The following SRPK2 variants were observed in gnomAD, a reference collection of about 807,000 sequenced individuals.
The protein encoded by SRPK2 is SRSF protein kinase 2, also known as SFRS protein kinase 2.
In SRPK2, 21 loss-of-function variants were observed where a neutral mutation model predicts 90.8. That is an observed-to-expected ratio of 0.23 (90% confidence interval 0.16 to 0.33). The LOEUF (loss-of-function observed/expected upper bound fraction) is 0.33. SRPK2 is among the 10% of genes least tolerant of loss of function. SRPK2 has a pLI of 1.00. For missense variants in SRPK2, 620 were observed against 869.0 expected (o/e 0.71, Z 3.60); for synonymous variants, 288 against 311.1 (o/e 0.93, Z 0.78).
intron 2 of SRPK2, among the ~76,000 whole-genome samples, chr7:105,245,893 T>C (rs1055132705): frequency 6.6e-6 from 1 of 151,990 alleles, no homozygotes; most frequent in East Asian, 1.9e-4. Flanking sequence ...TGGAGACACT[T>C]TTAAAAATTA....
At chr7:105,254,239 A>T (rs1350457703) in intron 2 of SRPK2, among the ~76,000 whole-genome samples, 1 of 152,220 alleles carries the variant, frequency 6.6e-6, no homozygotes, top group African/African-American at 2.4e-5. Context: ...GTAAAGACCT[A>T]AAGAACAGAG....
chr7:105,368,407 TA>T (rs1315487460), intron 2 of SRPK2, among the ~76,000 whole-genome samples: 2 of 152,152 alleles, frequency 1.3e-5, no homozygotes, highest in East Asian at 3.9e-4. Context: ...AGGAAGGAGT[TA>T]AAAGTAAGGT....
At chr7:105,349,227 G>A (rs562529265) in intron 2 of SRPK2, among the ~76,000 whole-genome samples, 19 of 149,784 alleles carry the variant, frequency 1.3e-4, no homozygotes, top group Non-Finnish European at 4.5e-5. Context: ...AAGAACCTAC[G>A]AAAGAATTAA....
At chr7:105,119,655 G>A (rs527905056) in intron 15 of SRPK2, among the ~76,000 whole-genome samples, 1 of 152,094 alleles carries the variant, frequency 6.6e-6, no homozygotes, top group East Asian at 1.9e-4. Flanking sequence ...TATTAGAGGC[G>A]GGAAAGGATC....
At chr7:105,216,210 T>C (rs1797440640) in intron 2 of SRPK2, among the ~76,000 whole-genome samples, 1 of 152,024 alleles carries the variant, frequency 6.6e-6, no homozygotes. Context: ...TATGCAAAAA[T>C]AATGAAACAC....
chr7:105,254,460 GACTC>G (rs1802939878), intron 2 of SRPK2, among the ~76,000 whole-genome samples: 1 of 152,146 alleles, frequency 6.6e-6, no homozygotes. Flanking sequence ...CCATTTCTAA[GACTC>G]AATCAATAAA....
chr7:105,371,656 G>A (rs912210258), intron 2 of SRPK2, among the ~76,000 whole-genome samples: 4 of 151,426 alleles, frequency 2.6e-5, no homozygotes, highest in Admixed American at 2.6e-4. Context: ...GCTACTTGGG[G>A]GCCTGAGGTG....
At chr7:105,349,391 G>A (rs960236887) in intron 2 of SRPK2, among the ~76,000 whole-genome samples, 6 of 151,288 alleles carry the variant, frequency 4.0e-5, no homozygotes, top group South Asian at 2.1e-4. Context: ...GCATGGTGGC[G>A]CATGCCTGTA....
At chr7:105,367,261 CTTTGT>C (rs1393592534) in intron 2 of SRPK2, among the ~76,000 whole-genome samples, 2 of 151,122 alleles carry the variant, frequency 1.3e-5, no homozygotes, top group Non-Finnish European at 3.0e-5. Context: ...CATCACAGGG[CTTTGT>C]TTTGTTTTGT....
chr7:105,269,248 C>G lies in SRPK2; in HGVS notation c.72-65463G>C, dbSNP rs142420776. ...ATAATTTGAGAAGCCTGGGTAATCACGTCACAGGCTGTAATAAACAGATAT... is the reference window on the plus strand; with the variant it reads ...ATAATTTGAGAAGCCTGGGTAATCAGGTCACAGGCTGTAATAAACAGATAT... On this transcript the variant is annotated intron_variant, in intron 2 of 15. Transcript: ENST00000393651. Among the ~76,000 whole-genome samples the G allele has an allele frequency of 3.6e-4, 54 of 152,100 alleles. 2 individuals are homozygous for G. In the East Asian group the frequency reaches 5.4e-3, roughly 15 times the overall value.
chr7:105,379,050 A>G, intron 2 of SRPK2, among the ~76,000 whole-genome samples: 1 of 151,980 alleles, frequency 6.6e-6, no homozygotes. Context: ...CCAGCTACTC[A>G]GCAGCCTGAG....
chr7:105,367,395 T>TG (rs1819198804), intron 2 of SRPK2, among the ~76,000 whole-genome samples: 1 of 152,144 alleles, frequency 6.6e-6, no homozygotes, highest in African/African-American at 2.4e-5. Flanking sequence ...CCTGAGTAGC[T>TG]GGGACTATAG....
Position 105,309,066 on chromosome 7 carries a change from A to G in SRPK2, c.71+79582T>C, listed in dbSNP as rs192830286. Among the ~76,000 whole-genome samples the G allele has an allele frequency of 1.1e-4, 16 of 152,318 alleles. No homozygotes were observed. In the East Asian group the frequency reaches 2.7e-3, roughly 26 times the overall value. On this transcript the variant is annotated intron_variant, in intron 2 of 15. Transcript: ENST00000393651. ...AAAAATACAGTGGGAGTTATGGACC[A>G]TAATGTCTCCAAAAAAAGTGCACAC...
At chr7:105,285,569 G>T (rs933770178) in intron 2 of SRPK2, among the ~76,000 whole-genome samples, 3 of 152,136 alleles carry the variant, frequency 2.0e-5, no homozygotes, top group African/African-American at 7.2e-5. Flanking sequence ...TGGAGGTGGG[G>T]CCTGCTGGGA....
At position 105,306,947 on chromosome 7, in the gene SRPK2, A is replaced by G. The variant is rs535214858; in HGVS notation, c.71+81701T>C. Among the ~76,000 whole-genome samples, 9 of 152,358 alleles carry G rather than the reference A, an allele frequency of 5.9e-5. No homozygotes were observed. In the South Asian group the frequency reaches 1.9e-3, roughly 32 times the overall value. ...GCTGTCAAGTTATCCACAGAACTCT[A>G]GTTCTGAATAGAGAATACAATCCTT... On this transcript the variant is annotated intron_variant, in intron 2 of 15. Coordinates refer to ENST00000393651, the MANE Select transcript of SRPK2 (RefSeq NM_182692.3).
chr7:105,238,289 G>T (rs1431006024), intron 2 of SRPK2, among the ~76,000 whole-genome samples: 1 of 152,182 alleles, frequency 6.6e-6, no homozygotes, highest in Non-Finnish European at 1.5e-5. Flanking sequence ...CATCCCTTGG[G>T]TGAGAAAAGA....
intron 1 of SRPK2, among the ~76,000 whole-genome samples, chr7:105,395,116 T>C (rs1822287056): frequency 6.6e-6 from 1 of 152,072 alleles, no homozygotes; most frequent in Admixed American, 6.6e-5. Context: ...GAGGTTGTAG[T>C]GAGCCAAGAT....
intron 3 of SRPK2, among the ~76,000 whole-genome samples, chr7:105,192,866 T>A (rs1794474888): frequency 1.3e-5 from 2 of 152,192 alleles, no homozygotes; most frequent in Non-Finnish European, 2.9e-5. Context: ...TGTCTATTCA[T>A]GTCCTTAGCC....
At chr7:105,307,423 A>G (rs1325273162) in intron 2 of SRPK2, among the ~76,000 whole-genome samples, 1 of 152,242 alleles carries the variant, frequency 6.6e-6, no homozygotes, top group Admixed American at 6.5e-5. Context: ...TAGTCTGTTA[A>G]GCTGGTGAAC....
Sources: allele counts gnomAD v4.1 joint callset (sites outside exome capture counted in the v4.1 genomes callset), GRCh38; gene constraint gnomAD v4.1.1; transcripts MANE v1.5; gene names NCBI Gene and HGNC (gene_info 2026-07-23, HGNC 2026-07-21).